The following WHRN variants were observed in gnomAD, a reference collection of about 807,000 sequenced individuals.
WHRN encodes the protein whirlin.
Under a neutral mutation model 68.3 loss-of-function variants are expected in WHRN, and 41 were observed. The observed-to-expected ratio is 0.60, with a 90% CI of 0.47 to 0.78. WHRN has a LOEUF of 0.78. WHRN is among the 30% of genes least tolerant of loss of function. The probability of loss-of-function intolerance (pLI) is 0.00; values close to 1 mark genes in which losing one functional copy is unlikely to be tolerated. For missense variants in WHRN, 1,243 were observed against 1,244.7 expected (o/e 1.00, Z 0.02); for synonymous variants, 560 against 561.3 (o/e 1.00, Z 0.03).
Position 114,402,710 on chromosome 9 carries a change from G to A in WHRN, c.*44C>T. Reference sequence around the variant, plus strand: ...GAAGCCAACGGTGGAAAGGGACTGGGACCAGGGGCTGGGCAGTGGTGGGAG... The same window carrying A: ...GAAGCCAACGGTGGAAAGGGACTGGAACCAGGGGCTGGGCAGTGGTGGGAG... On this transcript the variant is annotated 3_prime_UTR_variant, in exon 12 of 12. Coordinates refer to ENST00000362057, the MANE Select transcript of WHRN (RefSeq NM_015404.4). 1 of 1,611,312 alleles carries A rather than the reference G, an allele frequency of 6.2e-7. No homozygotes were observed. The highest frequency in any genetic ancestry group is 2.2e-5 in the East Asian group (1 of 44,882).
chr9:114,497,536 A>T (rs1308404745), intron 1 of WHRN, among the ~76,000 whole-genome samples: 6 of 151,370 alleles, frequency 4.0e-5, no homozygotes, highest in Admixed American at 6.6e-5. Flanking sequence ...AAGAAAAGGA[A>T]AAAAAAAAGA....
chr9:114,493,356 TA>T (rs36083160), intron 1 of WHRN, among the ~76,000 whole-genome samples: 39,041 of 84,134 alleles, frequency 0.46, 7,814 homozygotes, highest in Middle Eastern at 0.55. Context: ...ATCTTTTTTT[TA>T]AAAAAAAAAA....
Position 114,406,636 on chromosome 9 carries a change from G to T in WHRN, c.1955C>A (p.Ala652Asp). The T allele has an allele frequency of 6.2e-7, 1 of 1,612,726 alleles. No individual in the cohort carries two copies. The highest frequency in any genetic ancestry group is 8.5e-7 in the Non-Finnish European group (1 of 1,179,068). The change falls in exon 9 of 12, where the codon GCC (alanine) becomes GAC (aspartate). Residue 652 changes from alanine (A) to aspartate (D), a missense_variant. Physicochemically the swap from Ala to Asp is moderately radical, Grantham distance 126. Coordinates refer to ENST00000362057, the MANE Select transcript of WHRN (RefSeq NM_015404.4). ...AQDLPSSPIY[A>D]SVSPANPSSK... Reference sequence around the variant, plus strand: ...GCTGGGGTTGGCAGGGGAGACGGAGGCATAGATGGGGGAAGAGGGCAAGTC... The same window carrying T: ...GCTGGGGTTGGCAGGGGAGACGGAGTCATAGATGGGGGAAGAGGGCAAGTC...
At position 114,438,906 on chromosome 9, in the gene WHRN, A is replaced by G. The variant is rs1838125936; in HGVS notation, c.964-12493T>C. Among the ~76,000 whole-genome samples, 4 of 152,230 alleles carry G rather than the reference A, an allele frequency of 2.6e-5. No individual in the cohort carries two copies. The South Asian group carries it at 8.3e-4, about 32-fold the overall frequency. ...ACAGAGGAGAACGGTTGGATAACGT[A>G]TGGTACAGCCACACAGCAGAGTACA... On this transcript the variant is annotated intron_variant, in intron 3 of 11. Transcript: ENST00000362057.
At chr9:114,433,364 C>T (rs747080676) in intron 3 of WHRN, among the ~76,000 whole-genome samples, 6 of 152,162 alleles carry the variant, frequency 3.9e-5, no homozygotes, top group South Asian at 2.1e-4. Context: ...CCTCTCAGGC[C>T]GCGCGTGCAC....
intron 4 of WHRN, chr9:114,425,258 C>T (rs1054670445): frequency 2.1e-5 from 14 of 662,368 alleles, no homozygotes; most frequent in South Asian, 3.3e-5. Flanking sequence ...CAAAACCACC[C>T]GAGGTGGGCT....
chr9:114,484,931 C>A (rs530559934), intron 1 of WHRN, among the ~76,000 whole-genome samples: 1 of 152,230 alleles, frequency 6.6e-6, no homozygotes, highest in South Asian at 2.1e-4. Context: ...TGGAGAGGGT[C>A]ACAGTGTAGG....
At chr9:114,459,581 G>T (rs1259024715) in intron 3 of WHRN, among the ~76,000 whole-genome samples, 3 of 152,206 alleles carry the variant, frequency 2.0e-5, no homozygotes, top group Admixed American at 6.5e-5. Flanking sequence ...TCCAGAGAAG[G>T]CAAGTGGGGA....
intron 1 of WHRN, among the ~76,000 whole-genome samples, chr9:114,494,860 CAAAGA>C (rs907954500): frequency 3.3e-5 from 4 of 121,560 alleles, no homozygotes; most frequent in African/African-American, 7.6e-5. Flanking sequence ...CAATGAGCAA[CAAAGA>C]AAAGAAAACA....
intron 3 of WHRN, among the ~76,000 whole-genome samples, chr9:114,432,339 G>T (rs1034048810): frequency 1.3e-5 from 2 of 152,226 alleles, no homozygotes; most frequent in Non-Finnish European, 2.9e-5. Flanking sequence ...CAGGAGGAGA[G>T]GGGACCCTCG....
At position 114,504,780 on chromosome 9, in the gene WHRN, G is replaced by A. The variant is rs1171617234; in HGVS notation, c.22C>T (p.Leu8=). The A allele has an allele frequency of 3.4e-6, 5 of 1,476,204 alleles. No homozygotes were observed. Among genetic ancestry groups the A allele is most frequent in the South Asian group, 1.3e-5 (1 of 74,748 alleles). 91.4% of individuals were successfully genotyped at this position (1,476,204 alleles called of 1,614,324 possible). MNAPLDG[L]SVSSSSTGSL... The stretch of plus-strand genomic sequence containing the variant: ...CCGGTGGAGGACGAGCTCACCGACA[G>A]GCCGTCCAGCGGCGCGTTCATCTCC... The change falls in exon 1 of 12, where the codon CTG becomes TTG. Residue 8 remains leucine (L), a synonymous_variant. Coordinates refer to ENST00000362057, the MANE Select transcript of WHRN (RefSeq NM_015404.4).
chr9:114,410,575 C>T (rs1835366704), intron 7 of WHRN, among the ~76,000 whole-genome samples: 1 of 152,206 alleles, frequency 6.6e-6, no homozygotes. Flanking sequence ...AGAGGCCAGT[C>T]ATGCCACACA....
intron 2 of WHRN, among the ~76,000 whole-genome samples, chr9:114,473,523 G>C (rs1004591911): frequency 1.6e-4 from 25 of 152,194 alleles, no homozygotes; most frequent in Non-Finnish European, 3.1e-4. Context: ...TTTCATCTCT[G>C]GAAAATCGGA....
In WHRN at chr9:114,435,851, G is replaced by A. The variant is rs893991499; in HGVS notation, c.964-9438C>T. ...CCAAGGAATAAACTTAACAAGAAAT[G>A]TTAACAACACCTATATGAAGAAAAC... On this transcript the variant is annotated intron_variant, in intron 3 of 11. Coordinates refer to ENST00000362057, the MANE Select transcript of WHRN (RefSeq NM_015404.4). Among the ~76,000 whole-genome samples the A allele has an allele frequency of 4.6e-5, 7 of 152,018 alleles. No homozygotes were observed. The East Asian group carries it at 1.2e-3, about 25-fold the overall frequency.
At chr9:114,410,193 T>C (rs2132238152) in intron 7 of WHRN, among the ~76,000 whole-genome samples, 1 of 152,282 alleles carries the variant, frequency 6.6e-6, no homozygotes, top group South Asian at 2.1e-4. Flanking sequence ...CCGTTCCTGC[T>C]TTGGTTTTCT....
chr9:114,488,299 T>C (rs1290615646), intron 1 of WHRN, among the ~76,000 whole-genome samples: 1 of 152,160 alleles, frequency 6.6e-6, no homozygotes, highest in African/African-American at 2.4e-5. Context: ...CAGGAGGTGC[T>C]TGGCAAATAG....
intron 3 of WHRN, among the ~76,000 whole-genome samples, chr9:114,431,743 C>T (rs1028083347): frequency 5.3e-5 from 8 of 152,264 alleles, no homozygotes; most frequent in South Asian, 4.2e-4. Flanking sequence ...CAGAGTTAGA[C>T]GGCACAGGAA....
chr9:114,504,680 T>C lies in WHRN; in HGVS notation c.122A>G (p.Gln41Arg). The C allele has an allele frequency of 6.3e-7, 1 of 1,597,220 alleles. No homozygotes were observed. The highest frequency in any genetic ancestry group is 8.5e-7 in the Non-Finnish European group (1 of 1,175,762). ...GLRLLSANVR[Q>R]LHQALTALLS... ...CAGCGCGGTCAGCGCTTGGTGCAGC[T>C]GGCGCACGTTGGCAGACAGTAACCG... The change falls in exon 1 of 12, where the codon CAG becomes CGG. Residue 41 changes from glutamine (Q) to arginine (R), a missense_variant. Coordinates refer to ENST00000362057, the MANE Select transcript of WHRN (RefSeq NM_015404.4).
chr9:114,413,959 AGAG>A, intron 7 of WHRN, among the ~76,000 whole-genome samples: 1 of 95,840 alleles, frequency 1.0e-5, no homozygotes, highest in Middle Eastern at 6.8e-3. Flanking sequence ...CAGTGGAAAG[AGAG>A]AGTGACCCAG....
Sources: allele counts gnomAD v4.1 joint callset (sites outside exome capture counted in the v4.1 genomes callset), GRCh38; gene constraint gnomAD v4.1.1; transcripts MANE v1.5; gene names NCBI Gene and HGNC (gene_info 2026-07-23, HGNC 2026-07-21).